TFF2: variants seen among roughly 807,000 people sequenced by gnomAD.
TFF2 encodes trefoil factor 2, also known as spasmolysin.
Under a neutral mutation model 16.0 loss-of-function variants are expected in TFF2, and 19 were observed. That is an observed-to-expected ratio of 1.19 (90% CI 0.83 to 1.74). The LOEUF (loss-of-function observed/expected upper bound fraction) is 1.74, where lower values mean the gene tolerates loss of function less well. TFF2 is among the 40% of genes most tolerant of loss of function. The pLI is 0.00. For missense variants in TFF2, 168 were observed against 166.8 expected (o/e 1.01, Z -0.04); for synonymous variants, 61 against 65.4 (o/e 0.93, Z 0.32).
At chr21:42,349,803 C>T (rs2052101480) in intron 2 of TFF2, 78 bp downstream of exon 2, 18 of 1,444,232 alleles carry the variant, frequency 1.2e-5, no homozygotes, top group Admixed American at 2.1e-5. Context: ...CTCCTCCGGC[C>T]CCTGCTCTGG....
At chr21:42,347,802 T>C (rs1224943868) in intron 2 of TFF2, among the ~76,000 whole-genome samples, 170 bp from the exon 3 acceptor site, 1 of 151,718 alleles carries the variant, frequency 6.6e-6, no homozygotes, top group Non-Finnish European at 1.5e-5. Context: ...TGTGGAAGTG[T>C]CGGCCCCTGG....
intron 1 of TFF2, chr21:42,350,336 G>A (rs575522381): frequency 1.6e-4 from 52 of 320,772 alleles, no homozygotes; most frequent in Non-Finnish European, 2.4e-4. Context: ...AGACCATCCT[G>A]GGCAACATGT....
At chr21:42,347,766 C>G in intron 2 of TFF2, 134 bp from the exon 3 acceptor site, 1 of 1,205,558 alleles carries the variant, frequency 8.3e-7, no homozygotes, top group Non-Finnish European at 1.1e-6. Flanking sequence ...GGGGCAGCAT[C>G]CCCCGGGACG....
At chr21:42,349,806 T>G in intron 2 of TFF2, 75 bp downstream of exon 2, 2 of 1,456,602 alleles carry the variant, frequency 1.4e-6, no homozygotes, top group Non-Finnish European at 1.9e-6. Context: ...CTCCGGCCCC[T>G]GCTCTGGGCT....
chr21:42,347,696 C>T, intron 2 of TFF2, 64 bp from the exon 3 acceptor site: 2 of 1,582,494 alleles, frequency 1.3e-6, no homozygotes, highest in Non-Finnish European at 1.7e-6. Context: ...AAAGCTCCAC[C>T]CCTTCCTCCT....
chr21:42,347,486 C>T lies in TFF2; in HGVS notation c.376G>A (p.Asp126Asn), dbSNP rs145769308. ...ACAGAGAGTCCCACAGCGACGTTAC[C>T]TTCCACAGACTTCGGGAAGAAGCAC... ...PWCFFPKSVE[D>N]CHY is the part of the protein sequence containing the mutation. The change falls in exon 3 of 4, where the codon GAC becomes AAC. Residue 126 changes from aspartate (D) to asparagine (N), a missense_variant and splice_region_variant. Physicochemically the swap from Asp to Asn is conservative, Grantham distance 23. Coordinates refer to ENST00000291526, the MANE Select transcript of TFF2 (RefSeq NM_005423.5). 4.2e-4 allele frequency: 678 copies of T among 1,614,030 alleles called. 1 individual carries two copies. Among genetic ancestry groups the T allele is most frequent in the Non-Finnish European group, 5.3e-4 (630 of 1,179,988 alleles).
intron 1 of TFF2, 76 bp from the exon 2 acceptor site, chr21:42,350,106 A>T: frequency 5.3e-6 from 8 of 1,506,042 alleles, no homozygotes; most frequent in African/African-American, 4.1e-5. Context: ...GTTCTAGGGG[A>T]TGCCTCTACT....
chr21:42,346,522 A>G lies in TFF2; in HGVS notation c.*11T>C. Reference sequence around the variant, plus strand: ...CGGTGAGCCAGATGCATCCTCTGGAACCAGCCTCTCTTAGTAATGGCAGTC... The same window carrying G: ...CGGTGAGCCAGATGCATCCTCTGGAGCCAGCCTCTCTTAGTAATGGCAGTC... On this transcript the variant is annotated 3_prime_UTR_variant, in exon 4 of 4. Coordinates refer to ENST00000291526, the MANE Select transcript of TFF2 (RefSeq NM_005423.5). 6.2e-7 allele frequency: 1 copy of G among 1,609,936 alleles called. No individual in the cohort carries two copies. The highest frequency in any genetic ancestry group is 8.5e-7 in the Non-Finnish European group (1 of 1,178,994).
intron 2 of TFF2, among the ~76,000 whole-genome samples, chr21:42,349,036 CCAGACTAACCAACCTGGGCTACTAGCCT>C (rs2052092328): frequency 1.3e-5 from 2 of 151,316 alleles, no homozygotes; most frequent in Admixed American, 6.6e-5. Context: ...TGGGCTAGCC[CCAGACTAACCAACCTGGGCTACTAGCCT>C]CAGACTAACC....
intron 1 of TFF2, chr21:42,350,251 G>C (rs963131386): frequency 3.7e-6 from 4 of 1,084,526 alleles, no homozygotes; most frequent in African/African-American, 1.6e-5. Flanking sequence ...AAAAAGCCAG[G>C]CATGGTGGCT....
chr21:42,347,083 G>A (rs1017411517), intron 3 of TFF2, among the ~76,000 whole-genome samples: 5 of 152,212 alleles, frequency 3.3e-5, no homozygotes, highest in Non-Finnish European at 4.4e-5. Flanking sequence ...GGAGAACGGG[G>A]AAGCCACGGG....
Position 42,346,541 on chromosome 21 carries a change from G to C in TFF2, c.382C>G (p.His128Asp), listed in dbSNP as rs1447734244. The C allele has an allele frequency of 6.2e-7, 1 of 1,603,904 alleles. No individual in the cohort carries two copies. Among genetic ancestry groups the C allele is most frequent in the East Asian group, 2.2e-5 (1 of 44,738 alleles). Reference protein sequence around the residue: ...CFFPKSVEDCHY With the variant: ...CFFPKSVEDCDY ...TCTGGAACCAGCCTCTCTTAGTAAT[G>C]GCAGTCTAGAAGTTTAAATGCAAGA... Residue 128 changes from histidine to aspartate, a missense_variant, in exon 4 of 4, where the codon CAT becomes GAT. Coordinates refer to ENST00000291526, the MANE Select transcript of TFF2 (RefSeq NM_005423.5).
intron 2 of TFF2, among the ~76,000 whole-genome samples, chr21:42,348,450 T>G (rs1323474006): frequency 1.3e-5 from 2 of 152,166 alleles, no homozygotes; most frequent in Non-Finnish European, 1.5e-5. Context: ...TATATATATT[T>G]TTTTCTCAAC....
chr21:42,346,360 A>C lies in TFF2; in HGVS notation c.*173T>G. 1.2e-6 allele frequency: 1 copy of C among 853,124 alleles called. No individual in the cohort carries two copies. The highest frequency in any genetic ancestry group is 1.8e-6 in the Non-Finnish European group (1 of 546,676). The allele number at this position is 853,124 out of a possible 1,614,324, so 52.8% of individuals were successfully genotyped here. On this transcript the variant is annotated 3_prime_UTR_variant, in exon 4 of 4. Transcript: ENST00000291526. Reference sequence around the variant, plus strand: ...TGTTAATGAAACCAAAAAGAAATTTAGCAGATTTTAAGGGTTTTATTTAAA... The same window carrying C: ...TGTTAATGAAACCAAAAAGAAATTTCGCAGATTTTAAGGGTTTTATTTAAA...
intron 2 of TFF2, among the ~76,000 whole-genome samples, chr21:42,348,360 G>A (rs2052085915): frequency 6.6e-6 from 1 of 152,122 alleles, no homozygotes; most frequent in African/African-American, 2.4e-5. Context: ...TGTTACTGCT[G>A]TCCTATTAAA....
chr21:42,350,950 C>T lies in TFF2; in HGVS notation c.8G>A (p.Arg3Gln), dbSNP rs774683377. MG[R>Q]RDAQLLAALL... is the part of the protein sequence containing the mutation. The stretch of plus-strand genomic sequence containing the variant: ...CGCTGCCAGGAGCTGGGCGTCTCGC[C>T]GTCCCATGTCTAGCTCAGCTGCACC... Residue 3 changes from arginine to glutamine, a missense_variant, in exon 1 of 4, where the codon CGG becomes CAG. Physicochemically the swap from Arg to Gln is conservative, Grantham distance 43. Coordinates refer to ENST00000291526, the MANE Select transcript of TFF2 (RefSeq NM_005423.5). 41 of 1,613,796 alleles carry T rather than the reference C, an allele frequency of 2.5e-5. No homozygotes were observed. In the South Asian group the frequency reaches 3.3e-4, roughly 13 times the overall value.
At chr21:42,347,369 C>T in intron 3 of TFF2, 117 bp downstream of exon 3, 19 of 1,392,692 alleles carry the variant, frequency 1.4e-5, no homozygotes, top group Non-Finnish European at 1.9e-5. Context: ...GGCAGGGGCC[C>T]TGGCCTCGAT....
At chr21:42,347,755 T>C (rs2052081020) in intron 2 of TFF2, 123 bp from the exon 3 acceptor site, 3 of 1,254,666 alleles carry the variant, frequency 2.4e-6, no homozygotes, top group South Asian at 3.0e-5. Flanking sequence ...AGGTGCTGCC[T>C]GGGGCAGCAT....
intron 2 of TFF2, among the ~76,000 whole-genome samples, chr21:42,349,564 C>A (rs953354760): frequency 3.3e-5 from 5 of 151,932 alleles, no homozygotes; most frequent in African/African-American, 1.2e-4. Context: ...ACTAACCAAC[C>A]TGCGCTAGCT....
Sources: allele counts gnomAD v4.1 joint callset (sites outside exome capture counted in the v4.1 genomes callset), GRCh38; gene constraint gnomAD v4.1.1; transcripts MANE v1.5; gene names NCBI Gene and HGNC (gene_info 2026-07-23, HGNC 2026-07-21).